Variants in PDSS2 observed in about 807,000 individuals in gnomAD.
The protein encoded by PDSS2 is all trans-polyprenyl-diphosphate synthase PDSS2.
Under a neutral mutation model 44.5 loss-of-function variants are expected in PDSS2, and 31 were observed. That is an observed-to-expected ratio of 0.70 (90% CI 0.52 to 0.94). PDSS2 has a LOEUF of 0.94. Ranked by LOEUF, PDSS2 falls within the 40% of genes least tolerant of loss-of-function variation. The pLI is 0.00. For missense variants in PDSS2, 452 were observed against 482.2 expected (o/e 0.94, Z 0.59); for synonymous variants, 157 against 180.3 (o/e 0.87, Z 1.03).
At position 107,162,610 on chromosome 6, in the gene PDSS2, A is replaced by ATTTTTTTTTCTTTTTT. The variant is rs1554246877; in HGVS notation, c.1042-7834_1042-7833insAAAAAAGAAAAAAAAA. 4.7e-4 allele frequency among the ~76,000 whole-genome samples: 54 copies of ATTTTTTTTTCTTTTTT among 115,552 alleles called. 3 individuals are homozygous for ATTTTTTTTTCTTTTTT. The highest frequency in any genetic ancestry group is 1.9e-3 in the African/African-American group (54 of 28,668). 75.8% of individuals were successfully genotyped at this position (115,552 alleles called of 152,430 possible). A position where few individuals can be genotyped will look rare whatever the true frequency, so the allele number is the denominator to read the frequency against. ...TTTTTATTTTGTCAAGAATTCCCTA[A>ATTTTTTTTTCTTTTTT]TTTTTTTTTTTTTTTGAGATGGAGT... On this transcript the variant is annotated intron_variant, in intron 7 of 7. Transcript: ENST00000369037.
chr6:107,425,871 G>C (rs1780983949), intron 1 of PDSS2, among the ~76,000 whole-genome samples: 1 of 151,860 alleles, frequency 6.6e-6, no homozygotes, highest in African/African-American at 2.4e-5. Context: ...TGAGGCAGGA[G>C]AATGGCGTGA....
chr6:107,164,796 G>A (rs1771281453), intron 7 of PDSS2, among the ~76,000 whole-genome samples: 1 of 152,178 alleles, frequency 6.6e-6, no homozygotes, highest in African/African-American at 2.4e-5. Flanking sequence ...GTGTCAAAGT[G>A]TTCCTATTTC....
chr6:107,399,054 T>C (rs2114576688), intron 1 of PDSS2, among the ~76,000 whole-genome samples: 1 of 152,304 alleles, frequency 6.6e-6, no homozygotes, highest in South Asian at 2.1e-4. Context: ...TAACAAAAGC[T>C]AGCACATATA....
intron 7 of PDSS2, among the ~76,000 whole-genome samples, chr6:107,158,464 C>T (rs539914729): frequency 6.6e-6 from 1 of 152,146 alleles, no homozygotes; most frequent in East Asian, 1.9e-4. Context: ...GGGTTACAGG[C>T]GTGAGCCACT....
chr6:107,187,440 A>G (rs9386621), intron 7 of PDSS2, among the ~76,000 whole-genome samples: 37,588 of 152,040 alleles, frequency 0.25, 5,669 homozygotes, highest in East Asian at 0.54. Flanking sequence ...CGAGGTGGGC[A>G]GATCACCTGA....
chr6:107,169,939 G>A (rs961513758), intron 7 of PDSS2, among the ~76,000 whole-genome samples: 2 of 152,184 alleles, frequency 1.3e-5, no homozygotes, highest in Non-Finnish European at 2.9e-5. Flanking sequence ...ACCCACTTGA[G>A]GAGGCAGTCT....
At chr6:107,341,719 A>G (rs143895217) in intron 1 of PDSS2, among the ~76,000 whole-genome samples, 1 of 152,330 alleles carries the variant, frequency 6.6e-6, no homozygotes, top group African/African-American at 2.4e-5. Context: ...ACAACAGTAC[A>G]ATGCACAGAA....
At chr6:107,354,415 T>C (rs1308287604) in intron 1 of PDSS2, among the ~76,000 whole-genome samples, 1 of 152,172 alleles carries the variant, frequency 6.6e-6, no homozygotes, top group Admixed American at 6.6e-5. Flanking sequence ...GCAAAATTGC[T>C]GTTTAAAAAT....
chr6:107,401,613 C>T (rs1474319451), intron 1 of PDSS2, among the ~76,000 whole-genome samples: 1 of 152,078 alleles, frequency 6.6e-6, no homozygotes, highest in Non-Finnish European at 1.5e-5. Context: ...ATTAAAAATA[C>T]TGATTTTAAA....
intron 7 of PDSS2, among the ~76,000 whole-genome samples, chr6:107,169,910 G>A (rs187528682): frequency 2.1e-3 from 314 of 152,318 alleles, no homozygotes; most frequent in African/African-American, 7.3e-3. Flanking sequence ...CTCCCAGTTA[G>A]GCTACTTGGG....
At chr6:107,350,240 C>A (rs143087384) in intron 1 of PDSS2, among the ~76,000 whole-genome samples, 2 of 152,266 alleles carry the variant, frequency 1.3e-5, no homozygotes, top group East Asian at 3.9e-4. Flanking sequence ...GTTACACTTT[C>A]CCCCTTTATA....
At chr6:107,419,706 CAT>C (rs536855540) in intron 1 of PDSS2, among the ~76,000 whole-genome samples, 18 of 152,180 alleles carry the variant, frequency 1.2e-4, no homozygotes, top group Admixed American at 9.2e-4. Context: ...CACACACACA[CAT>C]ACTTCAGTAT....
In PDSS2 at chr6:107,393,250, G is replaced by A. The variant is rs551942405; in HGVS notation, c.297-58918C>T. 1.1e-3 allele frequency among the ~76,000 whole-genome samples: 162 copies of A among 151,752 alleles called. 1 individual carries two copies. Among genetic ancestry groups the A allele is most frequent in the Non-Finnish European group, 1.8e-3 (121 of 67,914 alleles). On this transcript the variant is annotated intron_variant, in intron 1 of 7. Transcript: ENST00000369037. ...ATTTTCTAATTTTCCATAAAATTTC[G>A]TATTTTACCCATGAGTTATTTAGAA... is the stretch of plus-strand genomic sequence containing the variant.
rs372948208 is a variant in PDSS2, at chr6:107,211,756, A to AT, written c.876+352dup. ...TCTCAAAAAAAAAAAAAAAAAAGCTATAAGGGAACTGTAACAAAAAAGACA... is the reference window on the plus strand; with the variant it reads ...TCTCAAAAAAAAAAAAAAAAAAGCTATTAAGGGAACTGTAACAAAAAAGACA... On this transcript the variant is annotated intron_variant, in intron 5 of 7. Coordinates refer to ENST00000369037, the MANE Select transcript of PDSS2 (RefSeq NM_020381.4). 3.1e-3 allele frequency among the ~76,000 whole-genome samples: 472 copies of AT among 150,986 alleles called. 3 individuals are homozygous for AT. The highest frequency in any genetic ancestry group is 0.011 in the African/African-American group (450 of 40,942).
In PDSS2 at chr6:107,279,566, C is replaced by T. The variant is rs959302483; in HGVS notation, c.432-5339G>A. ...ATGGGCAAATCCCTTAAATCAGACC[C>T]GTGGTCTTCTTGTCCCTGAAAGGAG... On this transcript the variant is annotated intron_variant, in intron 2 of 7. Coordinates refer to ENST00000369037, the MANE Select transcript of PDSS2 (RefSeq NM_020381.4). Among the ~76,000 whole-genome samples the T allele has an allele frequency of 7.9e-5, 12 of 152,228 alleles. 1 individual carries two copies. The highest frequency in any genetic ancestry group is 6.2e-4 in the South Asian group (3 of 4,824).
rs751073523 is a variant in PDSS2, at chr6:107,240,398, C to CT, written c.702+5149dup. Among the ~76,000 whole-genome samples the CT allele has an allele frequency of 4.9e-3, 638 of 130,952 alleles. 4 individuals carry two copies. The highest frequency in any genetic ancestry group is 0.01 in the African/African-American group (366 of 35,642). 85.9% of individuals were successfully genotyped at this position (130,952 alleles called of 152,430 possible). ...TCTGGATGATAGAGTGAGACCCTAC[C>CT]TTTTTTTTTTTTTTTTTTTTGAAAC... On this transcript the variant is annotated intron_variant, in intron 4 of 7. Coordinates refer to ENST00000369037, the MANE Select transcript of PDSS2 (RefSeq NM_020381.4).
chr6:107,191,010 G>T (rs998285398), intron 7 of PDSS2, among the ~76,000 whole-genome samples: 10 of 152,090 alleles, frequency 6.6e-5, no homozygotes, highest in African/African-American at 2.4e-4. Flanking sequence ...TCCTGCCTCA[G>T]CCTCCCAAGT....
intron 3 of PDSS2, 117 bp downstream of exon 3, chr6:107,273,912 A>AAC: frequency 2.6e-6 from 2 of 777,238 alleles, no homozygotes; most frequent in Non-Finnish European, 4.6e-6. Context: ...TTTACTGTTT[A>AAC]CTGAGCATGT....
intron 2 of PDSS2, among the ~76,000 whole-genome samples, chr6:107,308,172 A>G (rs116196762): frequency 0.017 from 2,574 of 152,286 alleles, 72 homozygotes; most frequent in African/African-American, 0.059. Flanking sequence ...ATCTATCTAT[A>G]TATTTCATGA....
Sources: gnomAD v4.1 joint callset for allele counts (sites outside exome capture counted in the v4.1 genomes callset) on GRCh38, gnomAD v4.1.1 for gene constraint, MANE v1.5 for transcripts, NCBI Gene and HGNC (gene_info 2026-07-23, HGNC 2026-07-21) for gene names.